Variants in LIMD1 observed in about 807,000 individuals in gnomAD.
LIMD1 encodes the protein LIM domain containing 1, also known as LIM domain-containing protein 1.
Under a neutral mutation model 58.4 loss-of-function variants are expected in LIMD1, and 23 were observed. The observed-to-expected ratio is 0.39, with a 90% CI of 0.28 to 0.56. The LOEUF (loss-of-function observed/expected upper bound fraction) is 0.56. Among genes scored for constraint, LIMD1 ranks in the 20% least tolerant of loss-of-function variants. LIMD1 has a pLI of 0.57. For synonymous variants in LIMD1, 334 were observed against 345.5 expected (o/e 0.97, Z 0.37); for missense variants, 838 against 855.5 (o/e 0.98, Z 0.25).
At chr3:45,626,312 C>T (rs1309131300) in intron 1 of LIMD1, among the ~76,000 whole-genome samples, 1 of 152,112 alleles carries the variant, frequency 6.6e-6, no homozygotes, top group African/African-American at 2.4e-5. Context: ...GAAGCTTATT[C>T]ATAATGACAA....
intron 2 of LIMD1, among the ~76,000 whole-genome samples, chr3:45,660,430 T>TTC (rs1446938323): frequency 9.4e-6 from 1 of 106,424 alleles, no homozygotes; most frequent in Non-Finnish European, 2.1e-5. Context: ...TTTTTTTTTT[T>TTC]CCCGAGACGG....
At chr3:45,657,849 A>T (rs1697358047) in intron 2 of LIMD1, among the ~76,000 whole-genome samples, 1 of 152,222 alleles carries the variant, frequency 6.6e-6, no homozygotes, top group Non-Finnish European at 1.5e-5. Flanking sequence ...AAAAATAATC[A>T]ATTCCTGTAT....
rs760016344 is a variant in LIMD1, at chr3:45,595,407, T to TG, written c.530dup (p.Asp178ArgfsTer4). ...GTGAGGATCCTTCCTGCCTCACTCA[T>TG]GGAGACTATTATGACAACCTCTCCT... On this transcript the variant is annotated frameshift_variant, in exon 1 of 8. Coordinates refer to ENST00000273317, the MANE Select transcript of LIMD1 (RefSeq NM_014240.3). LOFTEE classifies it high-confidence loss of function. 3 of 1,614,008 alleles carry TG rather than the reference T, an allele frequency of 1.9e-6. No homozygotes were observed. The highest frequency in any genetic ancestry group is 2.5e-6 in the Non-Finnish European group (3 of 1,180,020).
At chr3:45,645,160 C>T (rs1457751204) in intron 2 of LIMD1, among the ~76,000 whole-genome samples, 1 of 152,176 alleles carries the variant, frequency 6.6e-6, no homozygotes, top group Non-Finnish European at 1.5e-5. Context: ...CAGAGGGCTG[C>T]AGGGATCGGA....
At chr3:45,673,032 G>GAA (rs111398686) in intron 5 of LIMD1, among the ~76,000 whole-genome samples, 60 of 141,384 alleles carry the variant, frequency 4.2e-4, no homozygotes, top group African/African-American at 1.4e-3. Flanking sequence ...CATGTTTAGT[G>GAA]AAAAAAAAAA....
chr3:45,668,610 G>A (rs537283430), intron 4 of LIMD1, among the ~76,000 whole-genome samples: 4 of 152,140 alleles, frequency 2.6e-5, no homozygotes, highest in East Asian at 1.9e-4. Flanking sequence ...AAAATTTTCC[G>A]GGCGTGGTGG....
At chr3:45,654,115 C>T (rs116615360) in intron 2 of LIMD1, among the ~76,000 whole-genome samples, 6,025 of 152,208 alleles carry the variant, frequency 0.04, 129 homozygotes, top group African/African-American at 0.061. Flanking sequence ...TTTAAACTTA[C>T]ATAAATAACC....
intron 2 of LIMD1, among the ~76,000 whole-genome samples, chr3:45,660,491 C>T (rs1697419865): frequency 6.9e-6 from 1 of 145,898 alleles, no homozygotes; most frequent in Non-Finnish European, 1.5e-5. Flanking sequence ...TCTTAGCTTC[C>T]TGCAGCCTCC....
At chr3:45,644,449 G>A (rs942172671) in intron 2 of LIMD1, among the ~76,000 whole-genome samples, 1 of 152,150 alleles carries the variant, frequency 6.6e-6, no homozygotes, top group African/African-American at 2.4e-5. Context: ...CAGTCACTGC[G>A]ATATTTATAG....
chr3:45,609,605 G>C (rs1292412756), intron 1 of LIMD1, among the ~76,000 whole-genome samples: 1 of 152,178 alleles, frequency 6.6e-6, no homozygotes, highest in Non-Finnish European at 1.5e-5. Flanking sequence ...CTTTCCTGCG[G>C]GGTTCCACAG....
At chr3:45,635,165 G>C (rs1159672502) in intron 1 of LIMD1, 1 of 152,542 alleles carries the variant, frequency 6.6e-6, no homozygotes, top group African/African-American at 2.4e-5. Flanking sequence ...TTGAACCCGG[G>C]AGGCGGAGGT....
At chr3:45,633,561 A>G (rs953544731) in intron 1 of LIMD1, among the ~76,000 whole-genome samples, 7 of 152,252 alleles carry the variant, frequency 4.6e-5, no homozygotes, top group Non-Finnish European at 1.0e-4. Flanking sequence ...CAAAACATCA[A>G]TTATAGAATT....
At chr3:45,673,569 T>C in intron 6 of LIMD1, 64 bp downstream of exon 6, 1 of 1,285,078 alleles carries the variant, frequency 7.8e-7, no homozygotes, top group Non-Finnish European at 1.1e-6. Flanking sequence ...CCTGGGCTCA[T>C]TTACAAGATC....
At chr3:45,650,040 C>G (rs1039193382) in intron 2 of LIMD1, among the ~76,000 whole-genome samples, 5 of 151,506 alleles carry the variant, frequency 3.3e-5, no homozygotes, top group African/African-American at 1.2e-4. Flanking sequence ...TGTTGAGCTT[C>G]TTGGATCTGT....
chr3:45,629,988 A>G (rs1227786464), intron 1 of LIMD1, among the ~76,000 whole-genome samples: 1 of 152,194 alleles, frequency 6.6e-6, no homozygotes, highest in Non-Finnish European at 1.5e-5. Flanking sequence ...TTTTATAAGA[A>G]GATTGCTTGG....
intron 1 of LIMD1, among the ~76,000 whole-genome samples, chr3:45,624,288 G>T (rs1263628784): frequency 2.0e-5 from 3 of 152,200 alleles, no homozygotes; most frequent in Non-Finnish European, 4.4e-5. Context: ...TGTGGTGGGG[G>T]CACTGCTCTG....
intron 6 of LIMD1, 25 bp from the exon 7 acceptor site, chr3:45,674,318 T>C: frequency 1.2e-6 from 2 of 1,607,308 alleles, no homozygotes; most frequent in Non-Finnish European, 1.7e-6. Flanking sequence ...CTCTCCTATG[T>C]GTTCTTGCTT....
In LIMD1 at chr3:45,676,950, A is replaced by G. The variant is rs764639406; in HGVS notation, c.1922A>G (p.Asp641Gly). ...EDCGLELNDE[D>G]GHRCYPLEDH... is the part of the protein sequence containing the mutation. ...TGTGGTCTGGAGCTCAATGATGAAG[A>G]TGGCCACCGCTGTTATCCGCTGGAG... The change falls in exon 8 of 8, where the codon GAT becomes GGT. Residue 641 changes from aspartate to glycine, a missense_variant. Asp to Gly is a moderately conservative substitution (Grantham distance 94). Around this residue, in one of 3 missense-constraint regions of LIMD1, gnomAD observed 174 missense variants for 197.4 expected, o/e 0.88. Transcript: ENST00000273317. 1 of 1,614,122 alleles carries G rather than the reference A, an allele frequency of 6.2e-7. No homozygotes were observed. Among genetic ancestry groups the G allele is most frequent in the South Asian group, 1.1e-5 (1 of 91,074 alleles).
chr3:45,597,710 G>A (rs1026962098), intron 1 of LIMD1, among the ~76,000 whole-genome samples: 2 of 152,162 alleles, frequency 1.3e-5, no homozygotes, highest in Non-Finnish European at 2.9e-5. Context: ...CCTAGTGGAG[G>A]GCAGGGACAG....
Sources: allele counts gnomAD v4.1 joint callset (sites outside exome capture counted in the v4.1 genomes callset), GRCh38; gene constraint gnomAD v4.1.1; regional missense constraint gnomAD v4.1.1; transcripts MANE v1.5; gene names NCBI Gene and HGNC (gene_info 2026-07-23, HGNC 2026-07-21).